RYR1: variants seen among roughly 807,000 people sequenced by gnomAD.
The protein encoded by RYR1 is ryanodine receptor 1.
Under a neutral mutation model 583.5 loss-of-function variants are expected in RYR1, and 342 were observed. The ratio of observed to expected loss-of-function variants is 0.59; its 90% CI spans 0.54 to 0.64. The LOEUF (loss-of-function observed/expected upper bound fraction) is 0.64. Among genes scored for constraint, RYR1 ranks in the 30% least tolerant of loss-of-function variants. The pLI is 0.00. For missense variants in RYR1, 6,032 were observed against 6,917.2 expected, an observed-to-expected ratio of 0.87 and a Z score of 4.54; for synonymous variants, 2,791 against 2,822.5, an observed-to-expected ratio of 0.99 and a Z score of 0.35.
intron 72 of RYR1, among the ~76,000 whole-genome samples, 166 bp downstream of exon 72, chr19:38,527,218 TACA>T (rs1429903160): frequency 3.9e-5 from 6 of 152,108 alleles, no homozygotes; most frequent in Admixed American, 2.0e-4. Flanking sequence ...CTACTAAAAA[TACA>T]ACAATTAGGC....
chr19:38,502,751 T>TGGGGCAGTGGCA, intron 48 of RYR1, 24 bp downstream of exon 48: 1 of 1,045,444 alleles, frequency 9.6e-7, no homozygotes, highest in Non-Finnish European at 1.3e-6. Flanking sequence ...GGCTTCAGGG[T>TGGGGCAGTGGCA]GGGGCAGGGG....
intron 1 of RYR1, among the ~76,000 whole-genome samples, chr19:38,437,743 G>A (rs1188643454): frequency 2.6e-5 from 4 of 152,028 alleles, no homozygotes; most frequent in East Asian, 1.9e-4. Context: ...TTGAAACCAG[G>A]AGTCGGAAGC....
intron 2 of RYR1, among the ~76,000 whole-genome samples, chr19:38,442,020 C>T (rs1972710754): frequency 6.6e-6 from 1 of 151,186 alleles, no homozygotes; most frequent in Non-Finnish European, 1.5e-5. Context: ...CAGTGTGTCT[C>T]AGGGGAGAGG....
chr19:38,518,927 C>T (rs1197005297), intron 66 of RYR1, among the ~76,000 whole-genome samples: 1 of 118,536 alleles, frequency 8.4e-6, no homozygotes, highest in Non-Finnish European at 1.8e-5. Context: ...AACTCTGTCT[C>T]AAAAAAAAAA....
At chr19:38,449,936 A>G (rs887874465) in intron 11 of RYR1, among the ~76,000 whole-genome samples, 16 of 152,184 alleles carry the variant, frequency 1.1e-4, no homozygotes, top group African/African-American at 3.9e-4. Flanking sequence ...TATATTACAC[A>G]GGCTGGTCTC....
intron 29 of RYR1, among the ~76,000 whole-genome samples, chr19:38,476,532 C>A (rs1968739826): frequency 6.6e-6 from 1 of 152,114 alleles, no homozygotes; most frequent in African/African-American, 2.4e-5. Flanking sequence ...GGGGTTTCAC[C>A]ATGTTGGCCA....
At chr19:38,582,336 GC>G (rs1421156788) in intron 101 of RYR1, among the ~76,000 whole-genome samples, 4 of 151,952 alleles carry the variant, frequency 2.6e-5, no homozygotes, top group Non-Finnish European at 1.5e-5. Context: ...GGTGGAGGTT[GC>G]CATGAGCCGA....
At chr19:38,579,094 G>C (rs553394104) in intron 99 of RYR1, among the ~76,000 whole-genome samples, 1 of 150,952 alleles carries the variant, frequency 6.6e-6, no homozygotes, top group Non-Finnish European at 1.5e-5. Flanking sequence ...GCACTCCAGC[G>C]TGGATAACAG....
intron 17 of RYR1, 108 bp from the exon 18 acceptor site, chr19:38,457,943 A>ATC (rs547827407): frequency 8.1e-5 from 90 of 1,117,772 alleles, no homozygotes; most frequent in South Asian, 1.5e-4. Context: ...TCTCTCTCCC[A>ATC]TCTCTCTCTC....
chr19:38,435,514 T>TACC (rs2145296830), intron 1 of RYR1, among the ~76,000 whole-genome samples: 1 of 152,204 alleles, frequency 6.6e-6, no homozygotes, highest in South Asian at 2.1e-4. Flanking sequence ...AGCGGATCAC[T>TACC]TGAGGTCAGG....
chr19:38,502,920 C>T lies in RYR1; in HGVS notation c.7876C>T (p.Leu2626=), dbSNP rs145446438. ...GATGCTGCAGCACCTGTTGCGCCGCCTGGTGTTCGACGTGCCCATCCTCAA... is the reference window on the plus strand; with the variant it reads ...GATGCTGCAGCACCTGTTGCGCCGCTTGGTGTTCGACGTGCCCATCCTCAA... ...PSMLQHLLRR[L]VFDVPILNEF... Residue 2626 remains leucine, a synonymous_variant, in exon 49 of 106, where the codon CTG becomes TTG. Coordinates refer to ENST00000359596, the MANE Select transcript of RYR1 (RefSeq NM_000540.3). 2.7e-4 allele frequency: 433 copies of T among 1,611,806 alleles called. No individual in the cohort carries two copies. The highest frequency in any genetic ancestry group is 1.3e-3 in the Middle Eastern group (8 of 6,062).
intron 89 of RYR1, among the ~76,000 whole-genome samples, chr19:38,550,471 T>G (rs1972618235): frequency 6.6e-6 from 1 of 152,160 alleles, no homozygotes; most frequent in Non-Finnish European, 1.5e-5. Flanking sequence ...TGTAATGTAT[T>G]AGGAGGCACA....
intron 90 of RYR1, among the ~76,000 whole-genome samples, chr19:38,564,225 T>A (rs1241987426): frequency 6.6e-6 from 1 of 151,900 alleles, no homozygotes; most frequent in Non-Finnish European, 1.5e-5. Flanking sequence ...CAAAAAAATT[T>A]TTTTTAGAAA....
chr19:38,585,172 C>G (rs769796489), intron 102 of RYR1, 73 bp downstream of exon 102: 4 of 1,552,050 alleles, frequency 2.6e-6, no homozygotes, highest in Non-Finnish European at 3.5e-6. Context: ...GGCCCAGGAT[C>G]CAGTCGGCCT....
chr19:38,512,161 C>T lies in RYR1; in HGVS notation c.9233+29C>T, dbSNP rs867763017. ...GGGCCATAGGCAGTGGCGCCCACTC[C>T]CACCATCATCGGGCCCCCACCCCAA... On this transcript the variant is annotated intron_variant, in intron 62 of 105. Transcript: ENST00000359596. The surrounding 1 kb of genome is among the most constrained non-coding windows in gnomAD (Gnocchi z 5.1). The T allele has an allele frequency of 6.2e-7, 1 of 1,613,838 alleles. No individual in the cohort carries two copies. The highest frequency in any genetic ancestry group is 1.6e-4 in the Middle Eastern group (1 of 6,062).
At position 38,532,772 on chromosome 19, in the gene RYR1, G is replaced by A. The variant is rs376628384; in HGVS notation, c.11259+36G>A. ...TCAGGAGGTCCTGGAGGGAAGGGAT[G>A]GGGGACCCTGACTGCAGTCATCTCC... On this transcript the variant is annotated intron_variant, in intron 78 of 105. Transcript: ENST00000359596. 3,647 of 1,602,202 alleles carry A rather than the reference G, an allele frequency of 2.3e-3. 7 individuals are homozygous for A. The highest frequency in any genetic ancestry group is 2.7e-3 in the Non-Finnish European group (3,191 of 1,170,204).
At chr19:38,504,696 G>T in intron 50 of RYR1, 52 bp from the exon 51 acceptor site, 3 of 1,604,032 alleles carry the variant, frequency 1.9e-6, no homozygotes, top group Non-Finnish European at 2.5e-6. Context: ...GGTCCTGGGG[G>T]TCAGTAAGGC....
Position 38,523,401 on chromosome 19 carries a change from C to T in RYR1, c.10440+92C>T, listed in dbSNP as rs1334761947. The stretch of plus-strand genomic sequence containing the variant: ...CTGGCCTGTCCTCACCCAGCCAGCC[C>T]GTCCTGGGCGCAATCCCTGCAGTCC... On this transcript the variant is annotated intron_variant, in intron 69 of 105. Transcript: ENST00000359596. 18 of 1,461,162 alleles carry T rather than the reference C, an allele frequency of 1.2e-5. 1 individual carries two copies. Among genetic ancestry groups the T allele is most frequent in the African/African-American group, 4.2e-5 (3 of 71,900 alleles). 90.5% of individuals were successfully genotyped at this position (1,461,162 alleles called of 1,614,324 possible).
intron 93 of RYR1, 37 bp from the exon 94 acceptor site, chr19:38,570,570 C>G (rs1207925400): frequency 6.6e-7 from 1 of 1,520,452 alleles, no homozygotes; most frequent in Admixed American, 1.7e-5. Flanking sequence ...AGAGGCTGAT[C>G]TGTGAGCGCT....
Sources: allele counts gnomAD v4.1 joint callset (sites outside exome capture counted in the v4.1 genomes callset), GRCh38; gene constraint gnomAD v4.1.1; non-coding constraint Gnocchi (gnomAD v3.1); transcripts MANE v1.5; gene names NCBI Gene and HGNC (gene_info 2026-07-23, HGNC 2026-07-21).